LRRIQ3: variants seen among roughly 807,000 people sequenced by gnomAD.
The protein encoded by LRRIQ3 is leucine-rich repeat and IQ domain-containing protein 3.
Under a neutral mutation model 59.3 loss-of-function variants are expected in LRRIQ3, and 75 were observed. That is an observed-to-expected ratio of 1.26 (90% CI 1.05 to 1.53). The LOEUF is 1.53. LRRIQ3 is among the 40% of genes most tolerant of loss of function. The pLI, the probability that LRRIQ3 is intolerant of heterozygous loss-of-function variation, is 0.00. For synonymous variants in LRRIQ3, 250 were observed against 231.3 expected (o/e 1.08, Z -0.73); for missense variants, 831 against 710.0 (o/e 1.17, Z -1.94).
At chr1:74,064,557 C>T (rs1238692775) in intron 6 of LRRIQ3, among the ~76,000 whole-genome samples, 1 of 151,960 alleles carries the variant, frequency 6.6e-6, no homozygotes, top group African/African-American at 2.4e-5. Context: ...GCTTTCAACT[C>T]ATGGAACTTT....
intron 1 of LRRIQ3, among the ~76,000 whole-genome samples, chr1:74,187,339 T>C (rs1226602274): frequency 7.1e-6 from 1 of 140,510 alleles, no homozygotes; most frequent in African/African-American, 2.6e-5. Context: ...GATATATATA[T>C]ATAGGTATAT....
chr1:74,114,003 G>C (rs1394191043), intron 4 of LRRIQ3, among the ~76,000 whole-genome samples: 1 of 150,624 alleles, frequency 6.6e-6, no homozygotes, highest in African/African-American at 2.4e-5. Context: ...ATATATAATT[G>C]TATCATTTTA....
chr1:74,131,239 T>C (rs536418292), intron 4 of LRRIQ3, among the ~76,000 whole-genome samples: 121 of 152,158 alleles, frequency 8.0e-4, no homozygotes, highest in African/African-American at 2.8e-3. Flanking sequence ...ATTAATAGCC[T>C]ACAGACCAAA....
intron 6 of LRRIQ3, among the ~76,000 whole-genome samples, chr1:74,058,240 T>C (rs1654596598): frequency 6.6e-6 from 1 of 151,966 alleles, no homozygotes; most frequent in African/African-American, 2.4e-5. Context: ...CCAAAGGAAA[T>C]GAAATTAGTA....
chr1:74,096,369 G>A (rs997369268), intron 5 of LRRIQ3, among the ~76,000 whole-genome samples: 1 of 152,034 alleles, frequency 6.6e-6, no homozygotes, highest in Admixed American at 6.6e-5. Flanking sequence ...ACTACACTTT[G>A]AGAACCACTA....
chr1:74,159,486 C>T (rs1025866585), intron 3 of LRRIQ3, among the ~76,000 whole-genome samples: 1 of 152,098 alleles, frequency 6.6e-6, no homozygotes, highest in Admixed American at 6.6e-5. Flanking sequence ...ATTCTTGTAA[C>T]TCAATTATTT....
intron 6 of LRRIQ3, among the ~76,000 whole-genome samples, chr1:74,062,418 G>A (rs1249297744): frequency 2.6e-5 from 4 of 152,100 alleles, no homozygotes. Context: ...ATGCTGCCAA[G>A]GTTGTGGAGG....
intron 3 of LRRIQ3, among the ~76,000 whole-genome samples, chr1:74,169,713 T>G (rs1649205703): frequency 6.6e-6 from 1 of 152,078 alleles, no homozygotes; most frequent in Admixed American, 6.6e-5. Context: ...CACACCTGGT[T>G]AATTTCTTAA....
chr1:74,197,813 G>A (rs1425662221), intron 1 of LRRIQ3, among the ~76,000 whole-genome samples, 183 bp downstream of exon 1: 1 of 152,164 alleles, frequency 6.6e-6, no homozygotes, highest in African/African-American at 2.4e-5. Context: ...CGGGGTGGCG[G>A]GGGAAAGGAG....
At chr1:74,074,391 C>T (rs1570071648) in intron 6 of LRRIQ3, among the ~76,000 whole-genome samples, 1 of 152,036 alleles carries the variant, frequency 6.6e-6, no homozygotes, top group South Asian at 2.1e-4. Flanking sequence ...TTATCAAAAT[C>T]CTAGATGCCT....
rs183790732 is a variant in LRRIQ3, at chr1:74,165,977, A to G, written c.574-10111T>C. ...GAATTGTATTCGCTAATATTTTTAAAGATTTCTATGCTTATGCTCTTAAGG... is the reference window on the plus strand; with the variant it reads ...GAATTGTATTCGCTAATATTTTTAAGGATTTCTATGCTTATGCTCTTAAGG... On this transcript the variant is annotated intron_variant, in intron 3 of 7. Coordinates refer to ENST00000354431, the MANE Select transcript of LRRIQ3 (RefSeq NM_001105659.2). Among the ~76,000 whole-genome samples, 605 of 151,728 alleles carry G rather than the reference A, an allele frequency of 4.0e-3. 5 individuals carry two copies. The highest frequency in any genetic ancestry group is 0.014 in the African/African-American group (565 of 41,498).
chr1:74,046,360 G>A (rs1275789388), intron 6 of LRRIQ3, among the ~76,000 whole-genome samples: 1 of 152,130 alleles, frequency 6.6e-6, no homozygotes, highest in African/African-American at 2.4e-5. Flanking sequence ...AATGGGGAAA[G>A]GGTACCCTAA....
At chr1:74,181,108 AG>A in intron 3 of LRRIQ3, 2 of 261,550 alleles carry the variant, frequency 7.6e-6, no homozygotes, top group Non-Finnish European at 1.5e-5. Flanking sequence ...ACTTGGTGAA[AG>A]AATGAAGAAA....
chr1:74,177,367 C>T (rs1426988145), intron 3 of LRRIQ3, among the ~76,000 whole-genome samples: 1 of 152,112 alleles, frequency 6.6e-6, no homozygotes, highest in African/African-American at 2.4e-5. Flanking sequence ...GCTCCTCAAG[C>T]TTGCAGACAG....
At chr1:74,191,369 G>C (rs994678550) in intron 1 of LRRIQ3, among the ~76,000 whole-genome samples, 8 of 152,070 alleles carry the variant, frequency 5.3e-5, no homozygotes, top group African/African-American at 1.9e-4. Flanking sequence ...GTTGGGAAAG[G>C]AACAAGTGAG....
chr1:74,183,399 C>T (rs377074237), intron 2 of LRRIQ3, 37 bp downstream of exon 2: 225 of 1,489,918 alleles, frequency 1.5e-4, no homozygotes, highest in South Asian at 1.3e-3. Context: ...ACTGAAATTT[C>T]GTTTATATGC....
chr1:74,059,468 T>C (rs1482320141), intron 6 of LRRIQ3, among the ~76,000 whole-genome samples: 1 of 152,036 alleles, frequency 6.6e-6, no homozygotes, highest in Non-Finnish European at 1.5e-5. Context: ...GATATATAGT[T>C]GTCCCAGCAC....
chr1:74,083,071 A>G (rs923335267), intron 5 of LRRIQ3: 1 of 151,712 alleles, frequency 6.6e-6, no homozygotes, highest in Non-Finnish European at 1.5e-5. Context: ...TCTTTTTATC[A>G]AATGATGGAT....
At chr1:74,158,999 A>G (rs1252253944) in intron 3 of LRRIQ3, among the ~76,000 whole-genome samples, 1 of 152,116 alleles carries the variant, frequency 6.6e-6, no homozygotes, top group Non-Finnish European at 1.5e-5. Flanking sequence ...TCTTAAGAAT[A>G]GGTTTTTCTC....
Sources: allele counts gnomAD v4.1 joint callset (sites outside exome capture counted in the v4.1 genomes callset), GRCh38; gene constraint gnomAD v4.1.1; transcripts MANE v1.5; gene names NCBI Gene and HGNC (gene_info 2026-07-23, HGNC 2026-07-21).